Variants in OMA1 observed in about 807,000 individuals in gnomAD.
OMA1 encodes OMA1 zinc metallopeptidase, also known as metalloendopeptidase OMA1, mitochondrial.
In OMA1, 38 loss-of-function variants were observed where a neutral mutation model predicts 30.9. That is an observed-to-expected ratio of 1.23 (90% CI 0.95 to 1.61). OMA1 has a LOEUF of 1.61. Among genes scored for constraint, OMA1 ranks in the 40% most tolerant of loss-of-function variants. OMA1 has a pLI of 0.00. For missense variants in OMA1, 461 were observed against 349.2 expected (o/e 1.32, Z -2.55); for synonymous variants, 173 against 121.9 (o/e 1.42, Z -2.76).
chr1:58,537,514 A>C (rs1188490367), intron 2 of OMA1, among the ~76,000 whole-genome samples: 3 of 151,998 alleles, frequency 2.0e-5, no homozygotes, highest in Non-Finnish European at 4.4e-5. Flanking sequence ...ACATCTGAGA[A>C]GGTCCAATTT....
chr1:58,488,732 G>A (rs1469042290), intron 8 of OMA1, among the ~76,000 whole-genome samples: 2 of 152,320 alleles, frequency 1.3e-5, no homozygotes, highest in African/African-American at 4.8e-5. Context: ...TTACAGGCGT[G>A]AGCCACCACG....
chr1:58,518,706 A>G (rs966399746), intron 7 of OMA1, among the ~76,000 whole-genome samples: 5 of 152,110 alleles, frequency 3.3e-5, no homozygotes, highest in East Asian at 3.9e-4. Flanking sequence ...CATTGGGAAA[A>G]GGGAGACCAG....
chr1:58,510,177 CA>C (rs1319890859), intron 7 of OMA1, among the ~76,000 whole-genome samples: 1 of 150,786 alleles, frequency 6.6e-6, no homozygotes, highest in Admixed American at 6.6e-5. Context: ...AAAGACACTA[CA>C]AAAAAAAATT....
chr1:58,537,661 C>T (rs187774074), intron 2 of OMA1, among the ~76,000 whole-genome samples: 7 of 152,280 alleles, frequency 4.6e-5, no homozygotes, highest in Non-Finnish European at 7.4e-5. Flanking sequence ...ACCATATATA[C>T]ATCATTCTCT....
intron 5 of OMA1, among the ~76,000 whole-genome samples, chr1:58,530,937 TATC>T (rs1451102884): frequency 6.6e-6 from 1 of 152,200 alleles, no homozygotes; most frequent in African/African-American, 2.4e-5. Flanking sequence ...ATTTAACTAG[TATC>T]TACTAAGCCA....
intron 8 of OMA1, among the ~76,000 whole-genome samples, chr1:58,493,337 T>A (rs1645734158): frequency 6.6e-6 from 1 of 152,178 alleles, no homozygotes; most frequent in African/African-American, 2.4e-5. Context: ...ATTGGAAGCA[T>A]TCCCTTTGAA....
chr1:58,489,302 G>A (rs957016776), intron 8 of OMA1, among the ~76,000 whole-genome samples: 16 of 152,302 alleles, frequency 1.1e-4, no homozygotes, highest in South Asian at 2.1e-4. Flanking sequence ...TATATCCCAC[G>A]CCTGGCTCAA....
At chr1:58,494,627 T>G (rs1386956895) in intron 8 of OMA1, among the ~76,000 whole-genome samples, 5 of 152,074 alleles carry the variant, frequency 3.3e-5, no homozygotes, top group Admixed American at 6.6e-5. Context: ...CAGACACTTC[T>G]CAAAAGAAGA....
At chr1:58,491,668 A>C (rs1463422389) in intron 8 of OMA1, among the ~76,000 whole-genome samples, 1 of 152,180 alleles carries the variant, frequency 6.6e-6, no homozygotes, top group African/African-American at 2.4e-5. Flanking sequence ...GAGACAAAGA[A>C]GGCCACTACA....
At chr1:58,494,537 T>C (rs1187450179) in intron 8 of OMA1, among the ~76,000 whole-genome samples, 2 of 152,064 alleles carry the variant, frequency 1.3e-5, no homozygotes, top group Admixed American at 1.3e-4. Context: ...AGGGCTAATA[T>C]CCAGAATCTA....
At chr1:58,491,318 T>C (rs921031159) in intron 8 of OMA1, among the ~76,000 whole-genome samples, 28 of 152,058 alleles carry the variant, frequency 1.8e-4, no homozygotes, top group African/African-American at 6.3e-4. Context: ...ACATGCCAAA[T>C]TGTAAAGACC....
intron 8 of OMA1, among the ~76,000 whole-genome samples, chr1:58,498,327 T>C (rs1645840171): frequency 6.6e-6 from 1 of 152,174 alleles, no homozygotes; most frequent in Non-Finnish European, 1.5e-5. Context: ...ATTTTACAAC[T>C]GTTTTTAGTT....
intron 8 of OMA1, among the ~76,000 whole-genome samples, chr1:58,495,966 T>C (rs934779405): frequency 3.3e-5 from 5 of 152,184 alleles, no homozygotes; most frequent in African/African-American, 1.2e-4. Context: ...TTTAAATATC[T>C]AAGCTTGTCA....
intron 6 of OMA1, among the ~76,000 whole-genome samples, chr1:58,528,783 T>A (rs1189021989): frequency 6.6e-6 from 1 of 152,206 alleles, no homozygotes; most frequent in East Asian, 1.9e-4. Context: ...CTCTCTGCTC[T>A]CCAATCACAG....
chr1:58,531,161 A>T (rs977454636), intron 5 of OMA1, among the ~76,000 whole-genome samples: 4 of 152,196 alleles, frequency 2.6e-5, no homozygotes, highest in South Asian at 2.1e-4. Flanking sequence ...GCATCATTTT[A>T]AAAAATCAAG....
At chr1:58,523,069 T>C (rs1646292483) in intron 7 of OMA1, among the ~76,000 whole-genome samples, 1 of 152,214 alleles carries the variant, frequency 6.6e-6, no homozygotes, top group Non-Finnish European at 1.5e-5. Context: ...CTAATGTCAA[T>C]TTGTTTTCTG....
At chr1:58,507,948 C>T (rs61781789) in intron 7 of OMA1, among the ~76,000 whole-genome samples, 11,499 of 152,156 alleles carry the variant, frequency 0.076, 471 homozygotes, top group Middle Eastern at 0.16. Context: ...TACAAATTCA[C>T]GAATTATCTA....
chr1:58,545,958 A>T (rs1646695985), intron 1 of OMA1, among the ~76,000 whole-genome samples: 1 of 152,184 alleles, frequency 6.6e-6, no homozygotes, highest in South Asian at 2.1e-4. Flanking sequence ...AGATGAACCT[A>T]AATCCTTTTA....
chr1:58,519,840 G>T (rs984502748), intron 7 of OMA1, among the ~76,000 whole-genome samples: 1 of 152,108 alleles, frequency 6.6e-6, no homozygotes, highest in Non-Finnish European at 1.5e-5. Flanking sequence ...TTATAAAAGA[G>T]CATCAAAGGG....
Sources: gnomAD v4.1 joint callset for allele counts (sites outside exome capture counted in the v4.1 genomes callset) on GRCh38, gnomAD v4.1.1 for gene constraint, MANE v1.5 for transcripts, NCBI Gene and HGNC (gene_info 2026-07-23, HGNC 2026-07-21) for gene names.